Variants in ST6GALNAC3 observed in about 807,000 individuals in gnomAD.
ST6GALNAC3 encodes ST6 N-acetylgalactosaminide alpha-2,6-sialyltransferase 3, also known as alpha-N-acetylgalactosaminide alpha-2,6-sialyltransferase 3.
In ST6GALNAC3, 25 loss-of-function variants were observed where a neutral mutation model predicts 32.7. The ratio of observed to expected loss-of-function variants is 0.76; its 90% CI spans 0.56 to 1.07. ST6GALNAC3 has a LOEUF of 1.07. Ranked by LOEUF, ST6GALNAC3 falls within the 50% of genes least tolerant of loss-of-function variation. The pLI is 0.00. For synonymous variants in ST6GALNAC3, 129 were observed against 133.1 expected, an observed-to-expected ratio of 0.97 and a Z score of 0.21; for missense variants, 355 against 382.4, an observed-to-expected ratio of 0.93 and a Z score of 0.60.
intron 2 of ST6GALNAC3, among the ~76,000 whole-genome samples, chr1:76,376,388 C>T (rs1486948614): frequency 1.3e-5 from 2 of 152,096 alleles, no homozygotes; most frequent in African/African-American, 2.4e-5. Flanking sequence ...GTAACCAATA[C>T]CACAGTCAAG....
intron 1 of ST6GALNAC3, among the ~76,000 whole-genome samples, chr1:76,174,538 T>C (rs1297801411): frequency 2.6e-5 from 4 of 152,038 alleles, no homozygotes; most frequent in African/African-American, 9.7e-5. Flanking sequence ...TAAAATTATA[T>C]CTACCTACCT....
intron 3 of ST6GALNAC3, among the ~76,000 whole-genome samples, chr1:76,523,454 T>G (rs979443445): frequency 3.9e-5 from 6 of 152,134 alleles, no homozygotes; most frequent in African/African-American, 1.4e-4. Context: ...AGGCTCCAGA[T>G]GTTGTGATCT....
intron 1 of ST6GALNAC3, among the ~76,000 whole-genome samples, chr1:76,148,047 A>T (rs761640795): frequency 6.6e-6 from 1 of 152,096 alleles, no homozygotes; most frequent in Non-Finnish European, 1.5e-5. Context: ...TGGGGTATTC[A>T]TGTTTGCCTC....
intron 1 of ST6GALNAC3, among the ~76,000 whole-genome samples, chr1:76,161,515 C>T (rs992509754): frequency 6.6e-6 from 1 of 152,170 alleles, no homozygotes; most frequent in Non-Finnish European, 1.5e-5. Flanking sequence ...TGCTGTGGGT[C>T]TTCATTTAAT....
intron 2 of ST6GALNAC3, among the ~76,000 whole-genome samples, chr1:76,321,237 C>T (rs1361757646): frequency 2.0e-5 from 3 of 152,034 alleles, no homozygotes; most frequent in Non-Finnish European, 4.4e-5. Flanking sequence ...GCCCCCTTTT[C>T]TCTGGTGGTA....
At chr1:76,110,219 G>A (rs1426796022) in intron 1 of ST6GALNAC3, among the ~76,000 whole-genome samples, 2 of 152,150 alleles carry the variant, frequency 1.3e-5, no homozygotes, top group Non-Finnish European at 2.9e-5. Context: ...CTGCTCTAAG[G>A]AAAGAAATAG....
chr1:76,620,504 T>C (rs1291005380), intron 3 of ST6GALNAC3, among the ~76,000 whole-genome samples: 2 of 152,060 alleles, frequency 1.3e-5, no homozygotes. Flanking sequence ...AAGATCAGGG[T>C]ACCAGCATTA....
chr1:76,493,204 G>T (rs1311143841), intron 3 of ST6GALNAC3, among the ~76,000 whole-genome samples: 2 of 152,084 alleles, frequency 1.3e-5, no homozygotes, highest in Non-Finnish European at 2.9e-5. Context: ...ATCTTGTTGT[G>T]CTGGAGATTT....
intron 2 of ST6GALNAC3, among the ~76,000 whole-genome samples, chr1:76,325,462 A>G (rs1448896462): frequency 3.3e-5 from 5 of 152,182 alleles, no homozygotes; most frequent in South Asian, 2.1e-4. Flanking sequence ...AGTTTTTTGC[A>G]AGGTAAATTA....
chr1:76,601,532 T>C lies in ST6GALNAC3; in HGVS notation c.624-25920T>C, dbSNP rs371694820. On this transcript the variant is annotated intron_variant, in intron 3 of 4. Transcript: ENST00000328299. ...AAGAAGAGGAAATTAAATTGAAGGA[T>C]AAAGAAAGAAAATTTAAACCTATAG... Among the ~76,000 whole-genome samples the C allele has an allele frequency of 8.5e-5, 13 of 152,226 alleles. No homozygotes were observed. In the East Asian group the frequency reaches 1.7e-3, roughly 20 times the overall value.
intron 3 of ST6GALNAC3, among the ~76,000 whole-genome samples, chr1:76,432,983 C>G (rs912467938): frequency 1.3e-5 from 2 of 152,212 alleles, no homozygotes; most frequent in African/African-American, 4.8e-5. Context: ...CTCCTTGTGA[C>G]AAAAACCTTT....
Position 76,277,611 on chromosome 1 carries a change from TAC to T in ST6GALNAC3, c.19-36170_19-36169del, listed in dbSNP as rs200054620. Among the ~76,000 whole-genome samples, 389 of 51,138 alleles carry T rather than the reference TAC, an allele frequency of 7.6e-3. 2 individuals are homozygous for T. The highest frequency in any genetic ancestry group is 0.046 in the African/African-American group (340 of 7,370). 33.5% of individuals were successfully genotyped at this position (51,138 alleles called of 152,430 possible). The stretch of plus-strand genomic sequence containing the variant: ...ATGTGTATATATATATATATATATA[TAC>T]ACACACACACACACACACACACATT... On this transcript the variant is annotated intron_variant, in intron 1 of 4. Coordinates refer to ENST00000328299, the MANE Select transcript of ST6GALNAC3 (RefSeq NM_152996.4).
chr1:76,585,401 A>AG (rs1054047024), intron 3 of ST6GALNAC3, among the ~76,000 whole-genome samples: 2 of 151,978 alleles, frequency 1.3e-5, no homozygotes, highest in African/African-American at 4.8e-5. Context: ...AGAAAAAAAA[A>AG]AAAAACTATA....
At chr1:76,132,136 C>T (rs997971243) in intron 1 of ST6GALNAC3, among the ~76,000 whole-genome samples, 7 of 152,172 alleles carry the variant, frequency 4.6e-5, no homozygotes, top group African/African-American at 7.2e-5. Context: ...CCATATTTCC[C>T]GTCCACCCCC....
intron 1 of ST6GALNAC3, among the ~76,000 whole-genome samples, chr1:76,189,199 C>T (rs1050017890): frequency 1.2e-4 from 18 of 152,184 alleles, no homozygotes; most frequent in Non-Finnish European, 2.1e-4. Context: ...GTCTCACAGG[C>T]AAGGGTGCCT....
In ST6GALNAC3 at chr1:76,632,657, T is replaced by C. The variant is rs1198497277; in HGVS notation, c.*3851T>C. ...GGGGACCTGCTGACCTTCCAAGAAG[T>C]AGAAGGCCATCAGAAGAAAATCACT... is the stretch of plus-strand genomic sequence containing the variant. On this transcript the variant is annotated 3_prime_UTR_variant, in exon 5 of 5. Transcript: ENST00000328299. 1 of 152,066 alleles carries C rather than the reference T, an allele frequency of 6.6e-6. No individual in the cohort carries two copies. The highest frequency in any genetic ancestry group is 1.5e-5 in the Non-Finnish European group (1 of 68,002). 9.4% of individuals were successfully genotyped at this position (152,066 alleles called of 1,614,324 possible). A position where few individuals can be genotyped will look rare whatever the true frequency, so the allele number is the denominator to read the frequency against.
Position 76,313,973 on chromosome 1 carries a change from G to A in ST6GALNAC3, c.187G>A (p.Gly63Arg). 1.9e-6 allele frequency: 3 copies of A among 1,612,838 alleles called. No homozygotes were observed. Among genetic ancestry groups the A allele is most frequent in the Non-Finnish European group, 2.5e-6 (3 of 1,179,330 alleles). ...TYRRPLRTHY[G>R]YINVKTQEPL... Reference sequence around the variant, plus strand: ...CAGGCGGCCCCTTCGAACTCACTATGGATACATAAATGTGAAGACACAAGA... The same window carrying A: ...CAGGCGGCCCCTTCGAACTCACTATAGATACATAAATGTGAAGACACAAGA... The change falls in exon 2 of 5, where the codon GGA (glycine) becomes AGA (arginine). Residue 63 changes from glycine to arginine, a missense_variant. Transcript: ENST00000328299.
chr1:76,184,984 A>T (rs1653460944), intron 1 of ST6GALNAC3, among the ~76,000 whole-genome samples: 4 of 152,236 alleles, frequency 2.6e-5, no homozygotes, highest in African/African-American at 9.6e-5. Context: ...TCTGACAACG[A>T]AGTGCCCTTC....
chr1:76,430,245 C>T (rs1655662224), intron 3 of ST6GALNAC3, among the ~76,000 whole-genome samples: 1 of 152,174 alleles, frequency 6.6e-6, no homozygotes, highest in South Asian at 2.1e-4. Context: ...GCCCTTCAAT[C>T]TGCATTTTAT....
Sources: allele counts gnomAD v4.1 joint callset (sites outside exome capture counted in the v4.1 genomes callset), GRCh38; gene constraint gnomAD v4.1.1; transcripts MANE v1.5; gene names NCBI Gene and HGNC (gene_info 2026-07-23, HGNC 2026-07-21).